Variants in ZNF727 observed in about 807,000 individuals in gnomAD.
ZNF727 encodes the protein putative zinc finger protein 727.
Under a neutral mutation model 11.5 loss-of-function variants are expected in ZNF727, and 11 were observed. The observed-to-expected ratio is 0.95, with a 90% confidence interval of 0.60 to 1.58. ZNF727 has a LOEUF of 1.58. Among genes scored for constraint, ZNF727 ranks in the 40% most tolerant of loss-of-function variants. The pLI is 0.00. For missense variants in ZNF727, 533 were observed against 581.7 expected (o/e 0.92, Z 0.86); for synonymous variants, 171 against 196.1 (o/e 0.87, Z 1.07).
chr7:64,047,066 G>A (rs1789520112), intron 1 of ZNF727, among the ~76,000 whole-genome samples: 1 of 151,818 alleles, frequency 6.6e-6, no homozygotes, highest in African/African-American at 2.4e-5. Flanking sequence ...AGAGCATCAT[G>A]GCCATTTCAG....
chr7:64,049,945 T>C (rs1487616718), intron 1 of ZNF727, among the ~76,000 whole-genome samples: 1 of 151,730 alleles, frequency 6.6e-6, no homozygotes, highest in African/African-American at 2.4e-5. Context: ...TTAATTATTT[T>C]TGTAAAATCT....
At chr7:64,054,475 G>C (rs1467495456) in intron 1 of ZNF727, among the ~76,000 whole-genome samples, 1 of 152,118 alleles carries the variant, frequency 6.6e-6, no homozygotes, top group Non-Finnish European at 1.5e-5. Flanking sequence ...GGTGGCATGA[G>C]ACTATTCACC....
chr7:64,067,684 C>T (rs1403706033), intron 1 of ZNF727, among the ~76,000 whole-genome samples: 2 of 152,050 alleles, frequency 1.3e-5, no homozygotes, highest in South Asian at 4.2e-4. Context: ...GGGAGTCGAA[C>T]AATGAGAACA....
Position 64,083,042 on chromosome 7 carries a change from T to A in ZNF727, c.*4493T>A, listed in dbSNP as rs1342746188. On this transcript the variant is annotated 3_prime_UTR_variant, in exon 4 of 4. Transcript: ENST00000456806. Reference sequence around the variant, plus strand: ...CAAAAATGGCCGCTCACTCTTCCCTTTAGGAGCTGTATCCCAAAGAGGATT... The same window carrying A: ...CAAAAATGGCCGCTCACTCTTCCCTATAGGAGCTGTATCCCAAAGAGGATT... Among the ~76,000 whole-genome samples the A allele has an allele frequency of 6.6e-6, 1 of 152,188 alleles. No homozygotes were observed. Among genetic ancestry groups the A allele is most frequent in the Non-Finnish European group, 1.5e-5 (1 of 68,042 alleles).
At chr7:64,069,635 G>C in intron 3 of ZNF727, 26 bp downstream of exon 3, 1 of 1,511,072 alleles carries the variant, frequency 6.6e-7, no homozygotes, top group Non-Finnish European at 9.0e-7. Flanking sequence ...TGAAGCAAAT[G>C]ACATAAATGA....
At position 64,077,921 on chromosome 7, in the gene ZNF727, A is replaced by G. The variant is rs1216592235; in HGVS notation, c.872A>G (p.Lys291Arg). ...CCCTACAAATGTAAAGAATGTCACA[A>G]AGCCTTTAGGTGTTGCTCAGACCTT... Reference protein sequence around the residue: ...EKPYKCKECHKAFRCCSDLTK... With the variant: ...EKPYKCKECHRAFRCCSDLTK... The change falls in exon 4 of 4, where the codon AAA becomes AGA. Residue 291 changes from lysine to arginine, a missense_variant. This residue lies in a region of ZNF727 where 463 missense variants were observed against 494.5 expected (regional missense o/e 0.94). Transcript: ENST00000456806. 3 of 1,585,856 alleles carry G rather than the reference A, an allele frequency of 1.9e-6. No individual in the cohort carries two copies. Among genetic ancestry groups the G allele is most frequent in the Admixed American group, 3.6e-5 (2 of 55,354 alleles).
chr7:64,058,814 G>A (rs1368040317), intron 1 of ZNF727, among the ~76,000 whole-genome samples: 1 of 152,180 alleles, frequency 6.6e-6, no homozygotes, highest in Non-Finnish European at 1.5e-5. Context: ...TTCTGTTTAT[G>A]GATTATACCT....
intron 1 of ZNF727, among the ~76,000 whole-genome samples, chr7:64,049,936 T>C (rs1267499480): frequency 6.6e-6 from 1 of 151,718 alleles, no homozygotes; most frequent in African/African-American, 2.4e-5. Context: ...TATTTATTCT[T>C]AATTATTTTT....
rs1364068566 is a variant in ZNF727 at position 64,079,209 on chromosome 7, A to G, written c.*660A>G. ...AGCTCGTTCTCACACGTCATTAGAC[A>G]TAAGACAATTCATAGTAGAGAGAAG... On this transcript the variant is annotated 3_prime_UTR_variant, in exon 4 of 4. Transcript: ENST00000456806. Among the ~76,000 whole-genome samples, 5 of 152,372 alleles carry G rather than the reference A, an allele frequency of 3.3e-5. No individual in the cohort carries two copies. Among genetic ancestry groups the G allele is most frequent in the Admixed American group, 2.0e-4 (3 of 15,304 alleles).
chr7:64,063,899 T>G (rs28805891), intron 1 of ZNF727, among the ~76,000 whole-genome samples: 2,108 of 152,158 alleles, frequency 0.014, 51 homozygotes, highest in African/African-American at 0.047. Context: ...CATTCCCCAT[T>G]GTCACCACCA....
Position 64,084,649 on chromosome 7 carries a change from T to C in ZNF727, c.*6100T>C, listed in dbSNP as rs868734043. ...ATAATGGAGCTATATGTTTCTGAAT[T>C]CTGAACAACTATTTACAAAATTTTA... On this transcript the variant is annotated 3_prime_UTR_variant, in exon 4 of 4. Coordinates refer to ENST00000456806, the MANE Select transcript of ZNF727 (RefSeq NM_001159522.3). Among the ~76,000 whole-genome samples, 3 of 152,222 alleles carry C rather than the reference T, an allele frequency of 2.0e-5. No individual in the cohort carries two copies. The highest frequency in any genetic ancestry group is 4.4e-5 in the Non-Finnish European group (3 of 68,010).
intron 1 of ZNF727, among the ~76,000 whole-genome samples, chr7:64,063,439 A>G (rs1345961419): frequency 6.6e-6 from 1 of 151,896 alleles, no homozygotes; most frequent in East Asian, 1.9e-4. Context: ...TACCAGGCAG[A>G]CTCTTTTTCT....
intron 1 of ZNF727, among the ~76,000 whole-genome samples, chr7:64,051,153 CAA>C (rs1789591840): frequency 6.6e-6 from 1 of 152,002 alleles, no homozygotes; most frequent in Non-Finnish European, 1.5e-5. Context: ...AACAAAGCAA[CAA>C]AAGTTTCCAT....
chr7:64,071,806 A>AAATTTTATTCTTTTAC (rs1789966252), intron 3 of ZNF727, among the ~76,000 whole-genome samples: 1 of 151,950 alleles, frequency 6.6e-6, no homozygotes, highest in Non-Finnish European at 1.5e-5. Flanking sequence ...ACTTCTGGGT[A>AAATTTTATTCTTTTAC]TTCCCTTTTC....
At chr7:64,069,666 GA>G in intron 3 of ZNF727, 57 bp downstream of exon 3, 1 of 1,346,842 alleles carries the variant, frequency 7.4e-7, no homozygotes, top group Non-Finnish European at 1.0e-6. Flanking sequence ...TGTCAAGGAG[GA>G]AGCCAGACCT....
chr7:64,075,048 G>T (rs1790019454), intron 3 of ZNF727, among the ~76,000 whole-genome samples: 1 of 151,898 alleles, frequency 6.6e-6, no homozygotes, highest in Non-Finnish European at 1.5e-5. Flanking sequence ...TATAAAAAGT[G>T]AATTAGATAA....
At position 64,081,698 on chromosome 7, in the gene ZNF727, G is replaced by A. The variant is rs926965881; in HGVS notation, c.*3149G>A. On this transcript the variant is annotated 3_prime_UTR_variant, in exon 4 of 4. Transcript: ENST00000456806. ...CCCTGGGAGAGGCCAGCAGACCAAG[G>A]AGTGCTCAGTTGGATCAGCTTCTTC... is the stretch of plus-strand genomic sequence containing the variant. Among the ~76,000 whole-genome samples, 3 of 152,112 alleles carry A rather than the reference G, an allele frequency of 2.0e-5. No homozygotes were observed. Among genetic ancestry groups the A allele is most frequent in the Middle Eastern group, 3.2e-3 (1 of 316 alleles).
intron 1 of ZNF727, among the ~76,000 whole-genome samples, chr7:64,046,237 C>T (rs887313167): frequency 6.6e-6 from 1 of 152,068 alleles, no homozygotes; most frequent in Non-Finnish European, 1.5e-5. Context: ...TGCAATGTTG[C>T]TCAGCCTGGT....
intron 1 of ZNF727, among the ~76,000 whole-genome samples, chr7:64,060,139 A>G (rs190187495): frequency 6.6e-6 from 1 of 152,346 alleles, no homozygotes; most frequent in East Asian, 1.9e-4. Context: ...ATGACAGAGT[A>G]TGCTGTTAAG....
Sources: gnomAD v4.1 joint callset for allele counts (sites outside exome capture counted in the v4.1 genomes callset) on GRCh38, gnomAD v4.1.1 for gene constraint, gnomAD v4.1.1 regional missense constraint, MANE v1.5 for transcripts, NCBI Gene and HGNC (gene_info 2026-07-23, HGNC 2026-07-21) for gene names.